GNAS: variants seen among roughly 807,000 people sequenced by gnomAD.
GNAS encodes protein ALEX.
A neutral mutation model predicts 54.5 loss-of-function variants in GNAS; 8 were observed. The observed-to-expected ratio is 0.15, with a 90% CI of 0.09 to 0.26. GNAS has a LOEUF of 0.26. GNAS is among the 10% of genes least tolerant of loss of function. The probability of loss-of-function intolerance (pLI) is 1.00; values close to 1 mark genes in which losing one functional copy is unlikely to be tolerated. For synonymous variants in GNAS, 204 were observed against 191.4 expected (o/e 1.07, Z -0.54); for missense variants, 170 against 529.8 (o/e 0.32, Z 6.67).
chr20:58,882,406 T>C (rs922993331), intron 1 of GNAS, among the ~76,000 whole-genome samples: 3 of 152,240 alleles, frequency 2.0e-5, no homozygotes, highest in Admixed American at 6.5e-5. Context: ...AAGGCTGACA[T>C]TTTTGTTGAA....
chr20:58,906,679 C>G (rs2091080962), intron 6 of GNAS, among the ~76,000 whole-genome samples: 1 of 152,084 alleles, frequency 6.6e-6, no homozygotes, highest in Middle Eastern at 3.2e-3. Context: ...CTACAGGTGC[C>G]TGCCGCCACA....
rs768714604 is a variant in GNAS at position 58,909,585 on chromosome 20, A to G, written c.718+6A>G. 15 of 1,614,154 alleles carry G rather than the reference A, an allele frequency of 9.3e-6. No individual in the cohort carries two copies. In the East Asian group the frequency reaches 3.3e-4, roughly 36 times the overall value. ...GTGGATCCAGTGCTTCAACGGTAGG[A>G]TGCTGTGGGCTTGGCTGTTCGTAAA... On this transcript the variant is annotated splice_donor_region_variant and intron_variant, in intron 9 of 12. Coordinates refer to ENST00000371085, the MANE Select transcript of GNAS (RefSeq NM_000516.7). The surrounding 1 kb of genome is among the most constrained non-coding windows in gnomAD (Gnocchi z 7.3).
Position 58,891,715 on chromosome 20 carries a change from G to A in GNAS, c.-12G>A, listed in dbSNP as rs1467155995. On this transcript the variant is annotated 5_prime_UTR_variant, in exon 1 of 13. Coordinates refer to ENST00000371085, the MANE Select transcript of GNAS (RefSeq NM_000516.7). ...CGCAGCCCGGCCGCGCCCCGCCGCC[G>A]CCGCCGCCGCCATGGGCTGCCTCGG... 3 of 1,095,820 alleles carry A rather than the reference G, an allele frequency of 2.7e-6. No individual in the cohort carries two copies. Among genetic ancestry groups the A allele is most frequent in the Non-Finnish European group, 3.4e-6 (3 of 876,042 alleles). 67.9% of individuals were successfully genotyped at this position (1,095,820 alleles called of 1,614,324 possible). A position where few individuals can be genotyped will look rare whatever the true frequency, so the allele number is the denominator to read the frequency against.
chr20:58,900,805 A>G (rs995968921), intron 3 of GNAS, among the ~76,000 whole-genome samples: 20 of 152,226 alleles, frequency 1.3e-4, no homozygotes, highest in African/African-American at 4.8e-4. Context: ...ATCTCCATCT[A>G]CATAGTAATT....
chr20:58,840,765 A>C, upstream of GNAS: 1 of 1,608,400 alleles, frequency 6.2e-7, no homozygotes, highest in East Asian at 2.2e-5. The surrounding 1 kb of genome is among the most constrained non-coding windows in gnomAD (Gnocchi z 6.0). Flanking sequence ...CGTCGCTGCA[A>C]GCCAAAGAAG....
At chr20:58,903,136 G>C (rs1417425773) in intron 3 of GNAS, 3 of 364,992 alleles carry the variant, frequency 8.2e-6, no homozygotes, top group Non-Finnish European at 1.6e-5. Flanking sequence ...GGACTGTTTT[G>C]TTCCACCCCA....
chr20:58,900,001 CTATCACAA>C, intron 3 of GNAS: 1 of 714,944 alleles, frequency 1.4e-6, no homozygotes, highest in South Asian at 1.5e-5. Flanking sequence ...CGGCTATGTC[CTATCACAA>C]TTTGCATGCT....
At chr20:58,900,112 C>CAA (rs1336737757) in intron 3 of GNAS, 1 of 566,120 alleles carries the variant, frequency 1.8e-6, no homozygotes, top group Non-Finnish European at 3.2e-6. Context: ...TGACCTTAAA[C>CAA]GATGATTGAA....
chr20:58,888,282 C>T (rs1329653509), upstream of GNAS: 1 of 152,134 alleles, frequency 6.6e-6, no homozygotes, highest in Non-Finnish European at 1.5e-5. Flanking sequence ...CCTCGGCTCA[C>T]CTGGGCACAT....
chr20:58,867,764 C>T (rs1364866734), intron 1 of GNAS, among the ~76,000 whole-genome samples: 1 of 152,154 alleles, frequency 6.6e-6, no homozygotes, highest in African/African-American at 2.4e-5. Flanking sequence ...TCCTGGGGTC[C>T]TGCCATGGTC....
intron 1 of GNAS, among the ~76,000 whole-genome samples, chr20:58,883,865 T>TC (rs1295417882): frequency 1.3e-5 from 2 of 151,844 alleles, no homozygotes; most frequent in Non-Finnish European, 2.9e-5. Flanking sequence ...GATGGTTAGT[T>TC]CCCCCCTCAA....
chr20:58,894,435 G>A (rs1342399652), intron 1 of GNAS, among the ~76,000 whole-genome samples: 5 of 152,200 alleles, frequency 3.3e-5, no homozygotes, highest in Non-Finnish European at 7.3e-5. Context: ...TTGATTACGG[G>A]CTTGTGAAAA....
intron 1 of GNAS, chr20:58,855,234 G>A: frequency 1.3e-6 from 2 of 1,592,608 alleles, no homozygotes; most frequent in Non-Finnish European, 8.6e-7. Flanking sequence ...GGAGAAGCGG[G>A]CCCAGAAGCG....
rs1239367007 is a variant in GNAS, at chr20:58,853,835, T to G, written c.43+12949T>G. ...CAGACCTTGCTCCAGGAGGCCCAGG[T>G]GCTGCAGGGGTCCCCGGAGCTCCTC... On this transcript the variant is annotated intron_variant, in intron 1 of 12. Transcript: ENST00000306090. The surrounding 1 kb of genome is among the most constrained non-coding windows in gnomAD (Gnocchi z 4.4). 6.3e-7 allele frequency: 1 copy of G among 1,598,254 alleles called. No individual in the cohort carries two copies. Among genetic ancestry groups the G allele is most frequent in the African/African-American group, 1.3e-5 (1 of 74,566 alleles).
intron 2 of GNAS, among the ~76,000 whole-genome samples, chr20:58,896,164 T>C (rs913284447): frequency 4.6e-5 from 7 of 152,194 alleles, no homozygotes; most frequent in African/African-American, 1.7e-4. Context: ...TAGGGAAACA[T>C]TGTTTCCATA....
chr20:58,852,845 G>C (rs1001829781), intron 1 of GNAS: 2 of 266,218 alleles, frequency 7.5e-6, no homozygotes, highest in African/African-American at 2.2e-5. Flanking sequence ...GCCGGAGCCA[G>C]CTCGGCACTG....
In GNAS at chr20:58,850,795, G is replaced by A. The variant is rs192776054; in HGVS notation, c.43+9909G>A. 5.8e-5 allele frequency: 23 copies of A among 398,832 alleles called. No individual in the cohort carries two copies. The Admixed American group carries it at 9.2e-4, about 16-fold the overall frequency. 24.7% of individuals were successfully genotyped at this position (398,832 alleles called of 1,614,324 possible). On this transcript the variant is annotated intron_variant, in intron 1 of 12. Coordinates refer to the GNAS transcript ENST00000306090. ...GCATGAGGAAGAGTGACCCCACGGC[G>A]CTAGCGGTCCTCGTGGTCTTCCAGG...
At chr20:58,854,256 G>T in intron 1 of GNAS, 3 of 1,613,116 alleles carry the variant, frequency 1.9e-6, no homozygotes, top group Non-Finnish European at 2.5e-6. Flanking sequence ...CCCCCCAATC[G>T]CGCTTGACGG....
chr20:58,891,396 G>T, upstream of GNAS: 1 of 246,620 alleles, frequency 4.1e-6, no homozygotes, highest in South Asian at 1.4e-4. Flanking sequence ...GAGGCAATAA[G>T]AGCGGCGGCG....
Sources: gnomAD v4.1 joint callset for allele counts (sites outside exome capture counted in the v4.1 genomes callset) on GRCh38, gnomAD v4.1.1 for gene constraint, Gnocchi (gnomAD v3.1) non-coding constraint, MANE v1.5 for transcripts, NCBI Gene and HGNC (gene_info 2026-07-23, HGNC 2026-07-21) for gene names.